Variants in ARFGEF2 observed in about 807,000 individuals in gnomAD.
ARFGEF2 encodes ARF guanine nucleotide exchange factor 2.
ARFGEF2 carries 74 observed loss-of-function variants against 219.9 expected under a neutral mutation model. The observed-to-expected ratio is 0.34, with a 90% CI of 0.28 to 0.41. The LOEUF (loss-of-function observed/expected upper bound fraction) is 0.41. ARFGEF2 is among the 10% of genes least tolerant of loss of function. The probability of loss-of-function intolerance (pLI) is 1.00; values close to 1 mark genes in which losing one functional copy is unlikely to be tolerated. For synonymous variants in ARFGEF2, 733 were observed against 799.2 expected (o/e 0.92, Z 1.40); for missense variants, 1,743 against 2,218.3 (o/e 0.79, Z 4.30).
At chr20:49,017,469 A>T (rs768670272) in intron 32 of ARFGEF2, 27 bp from the exon 33 acceptor site, 32 of 1,612,012 alleles carry the variant, frequency 2.0e-5, no homozygotes, top group South Asian at 9.9e-5. Context: ...CACATTGATT[A>T]TTTTTTTTCT....
intron 28 of ARFGEF2, among the ~76,000 whole-genome samples, chr20:49,013,000 T>G (rs1222528535): frequency 6.6e-6 from 1 of 152,186 alleles, no homozygotes; most frequent in African/African-American, 2.4e-5. Context: ...GTAGAAAGAC[T>G]GCCAGGTCCT....
chr20:48,933,536 CATT>C (rs1222534532), intron 1 of ARFGEF2, among the ~76,000 whole-genome samples: 2 of 152,114 alleles, frequency 1.3e-5, no homozygotes, highest in Non-Finnish European at 2.9e-5. Context: ...CAGCTATCAT[CATT>C]ATTATTATTA....
intron 1 of ARFGEF2, among the ~76,000 whole-genome samples, chr20:48,927,701 T>A (rs1364527735): frequency 6.6e-6 from 1 of 151,172 alleles, no homozygotes; most frequent in East Asian, 1.9e-4. Flanking sequence ...AAAAAAAAAA[T>A]TAAAAAATAA....
rs6019566 is a variant in ARFGEF2 at position 48,974,545 on chromosome 20, C to A, written c.1666-221C>A. Among the ~76,000 whole-genome samples the A allele has an allele frequency of 0.13, 19,125 of 151,920 alleles. 1,688 individuals carry two copies. The highest frequency in any genetic ancestry group is 0.36 in the East Asian group (1,881 of 5,154). On this transcript the variant is annotated intron_variant, in intron 12 of 38. Coordinates refer to ENST00000371917, the MANE Select transcript of ARFGEF2 (RefSeq NM_006420.3). ...GGAAAACACATATCCCATATTTTTG[C>A]TGCTGGGGTGTTTATAATGAGCACC...
chr20:48,997,512 A>T (rs1329170573), intron 23 of ARFGEF2, among the ~76,000 whole-genome samples: 1 of 152,136 alleles, frequency 6.6e-6, no homozygotes, highest in Non-Finnish European at 1.5e-5. Context: ...ACCTCAAGTG[A>T]TCCACCTGCC....
intron 11 of ARFGEF2, 26 bp downstream of exon 11, chr20:48,972,451 C>CA (rs1355379181): frequency 5.2e-6 from 8 of 1,526,440 alleles, no homozygotes. Flanking sequence ...GACACTCATC[C>CA]ACTGGACTTC....
At position 49,033,324 on chromosome 20, in the gene ARFGEF2, A is replaced by AACG. The variant is rs2091648304; in HGVS notation, c.*126_*128dup. On this transcript the variant is annotated 3_prime_UTR_variant, in exon 39 of 39. Transcript: ENST00000371917. ...ATCTTGGATCTCAGAATGGCCTGGA[A>AACG]ACGGATGGCCTCTACGCTGTTCCAT... The AACG allele has an allele frequency of 9.3e-7, 1 of 1,080,008 alleles. No individual in the cohort carries two copies. The highest frequency in any genetic ancestry group is 2.0e-5 in the Admixed American group (1 of 50,726). The allele number at this position is 1,080,008 out of a possible 1,614,324, so 66.9% of individuals were successfully genotyped here.
chr20:48,926,409 A>G (rs1480621793), intron 1 of ARFGEF2, among the ~76,000 whole-genome samples: 1 of 152,148 alleles, frequency 6.6e-6, no homozygotes, highest in African/African-American at 2.4e-5. Context: ...GAAGGAAATG[A>G]GAGTAAAGAG....
chr20:48,992,059 A>C lies in ARFGEF2; in HGVS notation c.2973+861A>C, dbSNP rs1007092575. 2.6e-5 allele frequency among the ~76,000 whole-genome samples: 4 copies of C among 152,340 alleles called. No homozygotes were observed. In the East Asian group the frequency reaches 7.7e-4, roughly 29 times the overall value. ...GATGACCAGGTTTTTCAGCAAAAAA[A>C]TTGCAAGAAAAATAAGGGAGGAGGG... On this transcript the variant is annotated intron_variant, in intron 21 of 38. Coordinates refer to ENST00000371917, the MANE Select transcript of ARFGEF2 (RefSeq NM_006420.3).
At position 48,961,004 on chromosome 20, in the gene ARFGEF2, C is replaced by A. The variant is rs185468323; in HGVS notation, c.839-2826C>A. ...CTGAGGCAGGAGAATCTCTTGAACC[C>A]GGGAGGCGGAGGTTGCAGTGAACCG... On this transcript the variant is annotated intron_variant, in intron 6 of 38. Coordinates refer to ENST00000371917, the MANE Select transcript of ARFGEF2 (RefSeq NM_006420.3). 3.7e-3 allele frequency among the ~76,000 whole-genome samples: 564 copies of A among 150,584 alleles called. 2 individuals are homozygous for A. Among genetic ancestry groups the A allele is most frequent in the African/African-American group, 0.013 (552 of 41,258 alleles).
chr20:48,982,332 T>C (rs927507900), intron 14 of ARFGEF2, among the ~76,000 whole-genome samples: 5 of 152,154 alleles, frequency 3.3e-5, no homozygotes, highest in African/African-American at 9.7e-5. Flanking sequence ...ACAGCAAATA[T>C]TGCAGAACAG....
At chr20:48,936,301 AC>A (rs1194344187) in intron 1 of ARFGEF2, among the ~76,000 whole-genome samples, 80 of 86,746 alleles carry the variant, frequency 9.2e-4, no homozygotes, top group South Asian at 5.1e-3. Context: ...CGGGGGGCTG[AC>A]CCCCCCCACC....
At chr20:49,029,595 ATT>A (rs71184247) in intron 37 of ARFGEF2, among the ~76,000 whole-genome samples, 19 of 147,148 alleles carry the variant, frequency 1.3e-4, no homozygotes, top group East Asian at 4.0e-4. Context: ...TTAAAAGTGA[ATT>A]TTTTTTTTTT....
At chr20:49,022,941 C>T (rs904181803) in intron 34 of ARFGEF2, 110 bp from the exon 35 acceptor site, 13 of 1,433,872 alleles carry the variant, frequency 9.1e-6, no homozygotes, top group Admixed American at 1.7e-5. Context: ...GTAGTGAGAC[C>T]CCATCTCTTA....
intron 6 of ARFGEF2, among the ~76,000 whole-genome samples, chr20:48,959,545 C>CCTTT (rs1295185598): frequency 2.3e-4 from 8 of 35,350 alleles, no homozygotes; most frequent in African/African-American, 3.1e-4. Context: ...CTCCCTCTGT[C>CCTTT]CCTCCTTCCT....
chr20:48,972,404 A>T lies in ARFGEF2; in HGVS notation c.1504A>T (p.Thr502Ser), dbSNP rs1378690091. 23 of 1,613,824 alleles carry T rather than the reference A, an allele frequency of 1.4e-5. No individual in the cohort carries two copies. The highest frequency in any genetic ancestry group is 1.9e-5 in the Non-Finnish European group (23 of 1,179,786). Residue 502 changes from threonine to serine, a missense_variant, in exon 11 of 39, where the codon ACT becomes TCT. Coordinates refer to ENST00000371917, the MANE Select transcript of ARFGEF2 (RefSeq NM_006420.3). ...SFEHRWMVIQTLTRICADAQC... is the reference protein window; with the variant it reads ...SFEHRWMVIQSLTRICADAQC... ...TGAGCACAGGTGGATGGTCATTCAGACTCTGACGAGGATCTGTGCAGGTAT... is the reference window on the plus strand; with the variant it reads ...TGAGCACAGGTGGATGGTCATTCAGTCTCTGACGAGGATCTGTGCAGGTAT...
At chr20:49,006,493 G>A (rs1221309718) in intron 26 of ARFGEF2, among the ~76,000 whole-genome samples, 1 of 152,088 alleles carries the variant, frequency 6.6e-6, no homozygotes, top group African/African-American at 2.4e-5. Flanking sequence ...TATCAGTGGT[G>A]GTAATGGGCT....
intron 6 of ARFGEF2, among the ~76,000 whole-genome samples, chr20:48,959,828 A>G (rs2091134171): frequency 1.3e-5 from 2 of 151,648 alleles, no homozygotes; most frequent in South Asian, 2.1e-4. Flanking sequence ...TCAAACTCCT[A>G]AGTTCAGGTG....
chr20:48,946,496 T>TA (rs552607345), intron 3 of ARFGEF2, among the ~76,000 whole-genome samples: 9 of 146,718 alleles, frequency 6.1e-5, no homozygotes, highest in South Asian at 4.3e-4. Flanking sequence ...TATATATATA[T>TA]TTTTATTTTT....
Sources: gnomAD v4.1 joint callset for allele counts (sites outside exome capture counted in the v4.1 genomes callset) on GRCh38, gnomAD v4.1.1 for gene constraint, MANE v1.5 for transcripts, NCBI Gene and HGNC (gene_info 2026-07-23, HGNC 2026-07-21) for gene names.